Variants in RAD50 observed in about 807,000 individuals in gnomAD.
The protein encoded by RAD50 is DNA repair protein RAD50.
RAD50 carries 132 observed loss-of-function variants against 168.8 expected under a neutral mutation model. The ratio of observed to expected loss-of-function variants is 0.78; its 90% CI spans 0.68 to 0.90. The LOEUF (loss-of-function observed/expected upper bound fraction) is 0.90, where lower values mean the gene tolerates loss of function less well. RAD50 is among the 40% of genes least tolerant of loss of function. The probability of loss-of-function intolerance (pLI) is 0.00; values close to 1 mark genes in which losing one functional copy is unlikely to be tolerated. For missense variants in RAD50, 1,347 were observed against 1,534.4 expected, an observed-to-expected ratio of 0.88 and a Z score of 2.04; for synonymous variants, 525 against 497.4, an observed-to-expected ratio of 1.06 and a Z score of -0.74.
At chr5:132,585,805 G>A (rs899524488) in intron 5 of RAD50, among the ~76,000 whole-genome samples, 2 of 151,776 alleles carry the variant, frequency 1.3e-5, no homozygotes, top group Non-Finnish European at 2.9e-5. Context: ...GGTTACCCAG[G>A]CTGGTCTCAA....
In RAD50 at chr5:132,557,115, G is replaced by A. The variant is rs1750010307; in HGVS notation, c.-210G>A. ...GCTCTCCCCACCGGCGGGGAAAGCA[G>A]CTGGTGTGGGAGGAAAGGCTCCATC... On this transcript the variant is annotated 5_prime_UTR_variant, in exon 1 of 25. Coordinates refer to ENST00000378823, the MANE Select transcript of RAD50 (RefSeq NM_005732.4). The A allele has an allele frequency of 1.4e-6, 1 of 724,610 alleles. No homozygotes were observed. The highest frequency in any genetic ancestry group is 2.6e-5 in the Admixed American group (1 of 38,692). The allele number at this position is 724,610 out of a possible 1,614,324, so 44.9% of individuals were successfully genotyped here.
intron 2 of RAD50, among the ~76,000 whole-genome samples, chr5:132,562,355 T>C (rs1002277938): frequency 2.6e-5 from 4 of 152,136 alleles, no homozygotes; most frequent in African/African-American, 9.7e-5. Context: ...AAGAAGATTT[T>C]GTGATGATCC....
At chr5:132,607,486 G>A (rs1247979496) in intron 16 of RAD50, among the ~76,000 whole-genome samples, 1 of 152,066 alleles carries the variant, frequency 6.6e-6, no homozygotes, top group African/African-American at 2.4e-5. Context: ...ATATAATTAT[G>A]CGTACTCATT....
intron 3 of RAD50, among the ~76,000 whole-genome samples, chr5:132,578,674 C>T (rs1300712056): frequency 6.6e-6 from 1 of 151,114 alleles, no homozygotes; most frequent in Non-Finnish European, 1.5e-5. Flanking sequence ...TTACAGGTGC[C>T]CACCACCACA....
At position 132,642,422 on chromosome 5, in the gene RAD50, A is replaced by C. The variant is rs774452369; in HGVS notation, c.*58A>C. ...AGGTCCTCAGAAAGTGTATAATAAG[A>C]AACTTATTTCTCATATCAACTTAGT... is the stretch of plus-strand genomic sequence containing the variant. On this transcript the variant is annotated 3_prime_UTR_variant, in exon 25 of 25. Transcript: ENST00000378823. The C allele has an allele frequency of 1.4e-6, 2 of 1,442,846 alleles. No individual in the cohort carries two copies. The highest frequency in any genetic ancestry group is 9.7e-7 in the Non-Finnish European group (1 of 1,036,228). The allele number at this position is 1,442,846 out of a possible 1,614,324, so 89.4% of individuals were successfully genotyped here.
intron 3 of RAD50, among the ~76,000 whole-genome samples, chr5:132,579,004 T>C (rs888119407): frequency 6.6e-6 from 1 of 152,220 alleles, no homozygotes; most frequent in African/African-American, 2.4e-5. Flanking sequence ...CTTTGTCTCT[T>C]ATTTTTAAGA....
chr5:132,609,082 C>A (rs1751036643), intron 17 of RAD50, 35 bp from the exon 18 acceptor site: 1 of 1,606,728 alleles, frequency 6.2e-7, no homozygotes. Flanking sequence ...CCCTTAAGTA[C>A]AACCAGTGTA....
intron 3 of RAD50, among the ~76,000 whole-genome samples, chr5:132,576,681 C>T (rs564319755): frequency 1.1e-4 from 17 of 151,970 alleles, no homozygotes; most frequent in Admixed American, 2.0e-4. Flanking sequence ...TACCTGTCTC[C>T]TTCTTCTCCT....
chr5:132,583,977 G>T (rs544891746), intron 5 of RAD50, among the ~76,000 whole-genome samples: 10 of 152,234 alleles, frequency 6.6e-5, no homozygotes, highest in Admixed American at 5.2e-4. Flanking sequence ...GATTACAGGT[G>T]TGAGCCACTG....
At position 132,575,942 on chromosome 5, in the gene RAD50, T is replaced by TGA. The variant is rs1486224350; in HGVS notation, c.365+15_365+16dup. The TGA allele has an allele frequency of 1.9e-6, 3 of 1,589,022 alleles. No homozygotes were observed. Among genetic ancestry groups the TGA allele is most frequent in the Non-Finnish European group, 2.6e-6 (3 of 1,162,124 alleles). On this transcript the variant is annotated intron_variant, in intron 3 of 24. Transcript: ENST00000378823. ...TACTAGAACAAAGTAGGTGTTTATA[T>TGA]GATATTTGAATTTCTGTTCATTTTC...
At chr5:132,581,590 T>C (rs1750505652) in intron 5 of RAD50, among the ~76,000 whole-genome samples, 1 of 152,234 alleles carries the variant, frequency 6.6e-6, no homozygotes, top group Non-Finnish European at 1.5e-5. Flanking sequence ...ACAATACATA[T>C]GTATATACAA....
At chr5:132,607,437 A>C (rs990598400) in intron 16 of RAD50, among the ~76,000 whole-genome samples, 2 of 152,154 alleles carry the variant, frequency 1.3e-5, no homozygotes, top group East Asian at 1.9e-4. Flanking sequence ...CTAAGACTCA[A>C]CCAGTTATAA....
chr5:132,625,597 A>G (rs891626860), intron 21 of RAD50, among the ~76,000 whole-genome samples: 6 of 152,152 alleles, frequency 3.9e-5, no homozygotes, highest in African/African-American at 1.4e-4. Context: ...TGTACAATAC[A>G]TTGTTGACTG....
intron 5 of RAD50, 61 bp downstream of exon 5, chr5:132,580,127 G>T: frequency 3.6e-6 from 5 of 1,389,280 alleles, no homozygotes; most frequent in Non-Finnish European, 5.1e-6. Context: ...ACAGCATGAT[G>T]TTTTGATATA....
At chr5:132,560,078 A>ACG (rs59522949) in intron 2 of RAD50, among the ~76,000 whole-genome samples, 1 of 137,534 alleles carries the variant, frequency 7.3e-6, no homozygotes, top group Non-Finnish European at 1.5e-5. Context: ...ACACACACAC[A>ACG]TATATATATA....
chr5:132,605,362 A>C (rs997774682), intron 16 of RAD50, among the ~76,000 whole-genome samples: 9 of 152,028 alleles, frequency 5.9e-5, no homozygotes, highest in Non-Finnish European at 1.3e-4. Flanking sequence ...TCTTTTAGAG[A>C]CAGAGTCTTC....
chr5:132,591,778 T>C (rs750717720), intron 10 of RAD50, 99 bp from the exon 11 acceptor site: 9 of 880,650 alleles, frequency 1.0e-5, no homozygotes, highest in Non-Finnish European at 1.5e-5. Context: ...TTTTATAGTT[T>C]TAAGCTTAGA....
chr5:132,591,347 G>A lies in RAD50; in HGVS notation c.1576G>A (p.Glu526Lys), dbSNP rs1267858785. 1 of 1,613,870 alleles carries A rather than the reference G, an allele frequency of 6.2e-7. No homozygotes were observed. The highest frequency in any genetic ancestry group is 2.2e-5 in the East Asian group (1 of 44,870). Residue 526 changes from glutamate (E) to lysine (K), a missense_variant, in exon 10 of 25, where the codon GAG (glutamate) becomes AAG (lysine). This residue lies in a region of RAD50 where 703 missense variants were observed against 767.7 expected (regional missense o/e 0.92). Coordinates refer to ENST00000378823, the MANE Select transcript of RAD50 (RefSeq NM_005732.4). ...RTLRKLDQEM[E>K]QLNHHTTTRT... Reference sequence around the variant, plus strand: ...CCTGCGTAAACTTGACCAGGAGATGGAGCAGTTAAACCATCATACAACAAC... The same window carrying A: ...CCTGCGTAAACTTGACCAGGAGATGAAGCAGTTAAACCATCATACAACAAC...
intron 2 of RAD50, among the ~76,000 whole-genome samples, chr5:132,575,255 A>G (rs1230534219): frequency 1.3e-5 from 2 of 152,230 alleles, no homozygotes; most frequent in Admixed American, 1.3e-4. Flanking sequence ...CACATCTTAC[A>G]TGGACAGCAA....
Sources: allele counts gnomAD v4.1 joint callset (sites outside exome capture counted in the v4.1 genomes callset), GRCh38; gene constraint gnomAD v4.1.1; regional missense constraint gnomAD v4.1.1; transcripts MANE v1.5; gene names NCBI Gene and HGNC (gene_info 2026-07-23, HGNC 2026-07-21).